Variants in ANXA13 observed in about 807,000 individuals in gnomAD.
The protein encoded by ANXA13 is annexin XIII.
In ANXA13, 36 loss-of-function variants were observed where a neutral mutation model predicts 46.6. The observed-to-expected ratio is 0.77, with a 90% CI of 0.59 to 1.02. The LOEUF (loss-of-function observed/expected upper bound fraction) is 1.02, where lower values mean the gene tolerates loss of function less well. Ranked by LOEUF, ANXA13 falls within the 50% of genes least tolerant of loss-of-function variation. The pLI is 0.00. For missense variants in ANXA13, 417 were observed against 396.5 expected (o/e 1.05, Z -0.44); for synonymous variants, 163 against 152.9 (o/e 1.07, Z -0.49).
chr8:123,681,824 T>C (rs1175539287), intron 10 of ANXA13, among the ~76,000 whole-genome samples: 1 of 151,928 alleles, frequency 6.6e-6, no homozygotes, highest in Admixed American at 6.6e-5. Context: ...GGGGGTTTCA[T>C]CATGTTGGCC....
intron 9 of ANXA13, among the ~76,000 whole-genome samples, chr8:123,685,441 C>T (rs1164890192): frequency 6.6e-6 from 1 of 152,142 alleles, no homozygotes; most frequent in Non-Finnish European, 1.5e-5. Flanking sequence ...ATAAATCATT[C>T]CTTCCCCTCT....
intron 1 of ANXA13, among the ~76,000 whole-genome samples, chr8:123,734,498 A>T (rs1814204592): frequency 6.6e-6 from 1 of 152,186 alleles, no homozygotes. Context: ...CACATAGGTT[A>T]GTTACAAACA....
chr8:123,718,246 C>T (rs1813796977), intron 1 of ANXA13, among the ~76,000 whole-genome samples: 1 of 152,226 alleles, frequency 6.6e-6, no homozygotes, highest in Non-Finnish European at 1.5e-5. Flanking sequence ...GGCAAATCAG[C>T]AATAAACTTT....
intron 10 of ANXA13, among the ~76,000 whole-genome samples, chr8:123,683,733 T>C (rs2129814690): frequency 6.6e-6 from 1 of 152,072 alleles, no homozygotes; most frequent in East Asian, 1.9e-4. Context: ...ACTACAAGTG[T>C]GTGCCACCAT....
At chr8:123,703,924 A>C (rs573238921) in intron 2 of ANXA13, among the ~76,000 whole-genome samples, 3 of 152,316 alleles carry the variant, frequency 2.0e-5, no homozygotes, top group East Asian at 3.9e-4. Context: ...ACCCCACATT[A>C]GATTTATTCA....
chr8:123,702,708 G>T lies in ANXA13; in HGVS notation c.120C>A (p.Ile40=), dbSNP rs751181283. 1 of 1,614,032 alleles carries T rather than the reference G, an allele frequency of 6.2e-7. No individual in the cohort carries two copies. Among genetic ancestry groups the T allele is most frequent in the Admixed American group, 1.7e-5 (1 of 60,006 alleles). The change falls in exon 3 of 11, where the codon ATC becomes ATA. Residue 40 remains isoleucine, a synonymous_variant. Transcript: ENST00000419625. ...TCTCATCTGATGTCCTGCCCGATAA[G>T]ATTTCAATGATGGCTGCTTCATTGG... ...MGTNEAAIIE[I]LSGRTSDERQ...
intron 10 of ANXA13, 51 bp from the exon 11 acceptor site, chr8:123,681,410 C>G: frequency 6.3e-7 from 1 of 1,575,086 alleles, no homozygotes; most frequent in South Asian, 1.2e-5. Flanking sequence ...GGTGTGTTCA[C>G]AAACAGTGGG....
intron 9 of ANXA13, among the ~76,000 whole-genome samples, chr8:123,688,376 G>A (rs1001801383): frequency 2.0e-5 from 3 of 152,200 alleles, no homozygotes; most frequent in African/African-American, 7.2e-5. Flanking sequence ...ACGTGGAACT[G>A]TGAGTCCATT....
chr8:123,733,505 A>G (rs1413421776), intron 1 of ANXA13, among the ~76,000 whole-genome samples: 1 of 152,192 alleles, frequency 6.6e-6, no homozygotes. Flanking sequence ...TTCACCTGCC[A>G]CAAGTCCCAA....
intron 1 of ANXA13, among the ~76,000 whole-genome samples, chr8:123,730,712 T>A (rs1985668): frequency 0.52 from 78,583 of 152,034 alleles, 20,998 homozygotes; most frequent in African/African-American, 0.64. Flanking sequence ...TAATAAAGAC[T>A]TACCCCAGAC....
chr8:123,717,993 C>T (rs1317831768), intron 1 of ANXA13, among the ~76,000 whole-genome samples: 1 of 152,242 alleles, frequency 6.6e-6, no homozygotes, highest in Non-Finnish European at 1.5e-5. Flanking sequence ...CTCGCTTGCG[C>T]CCAGAGAAAG....
chr8:123,719,125 A>G (rs1365371764), intron 1 of ANXA13, among the ~76,000 whole-genome samples: 5 of 152,262 alleles, frequency 3.3e-5, no homozygotes, highest in Admixed American at 6.5e-5. Context: ...TATAGTAACC[A>G]GCATCTTCCA....
rs116713095 is a variant in ANXA13 at position 123,730,907 on chromosome 8, G to A, written c.15+6413C>T. Among the ~76,000 whole-genome samples the A allele has an allele frequency of 4.3e-3, 657 of 152,252 alleles. 2 individuals carry two copies. Among genetic ancestry groups the A allele is most frequent in the African/African-American group, 0.015 (614 of 41,540 alleles). On this transcript the variant is annotated intron_variant, in intron 1 of 10. Coordinates refer to ENST00000419625, the MANE Select transcript of ANXA13 (RefSeq NM_004306.4). Reference sequence around the variant, plus strand: ...GGGGGAGTTCTCCGGGCTGCATTCCGGGTGAGAAGCCTGAGGAGGCAGGTG... The same window carrying A: ...GGGGGAGTTCTCCGGGCTGCATTCCAGGTGAGAAGCCTGAGGAGGCAGGTG...
chr8:123,736,925 T>G (rs1307491595), intron 1 of ANXA13, among the ~76,000 whole-genome samples: 2 of 151,118 alleles, frequency 1.3e-5, no homozygotes, highest in African/African-American at 2.4e-5. Flanking sequence ...CTCGGCTTAT[T>G]GCAACCTCCG....
At position 123,681,068 on chromosome 8, in the gene ANXA13, C is replaced by T. The variant is rs1414928878; in HGVS notation, c.*172G>A. 9.6e-6 allele frequency: 8 copies of T among 831,152 alleles called. No homozygotes were observed. Among genetic ancestry groups the T allele is most frequent in the African/African-American group, 8.5e-5 (5 of 58,642 alleles). 51.5% of individuals were successfully genotyped at this position (831,152 alleles called of 1,614,324 possible). ...AAGGTGCCCTGCCCACGCATCTTAACGTTACTGCCCTTAACTTACACAGCT... is the reference window on the plus strand; with the variant it reads ...AAGGTGCCCTGCCCACGCATCTTAATGTTACTGCCCTTAACTTACACAGCT... On this transcript the variant is annotated 3_prime_UTR_variant, in exon 11 of 11. Transcript: ENST00000419625.
rs375593452 is a variant in ANXA13, at chr8:123,693,148, T to G, written c.642+49A>C. ...ATCTTGGCTTCTTTTGGAAATAACTTAAGACACTTTCAGAGTGAACTCTTT... is the reference window on the plus strand; with the variant it reads ...ATCTTGGCTTCTTTTGGAAATAACTGAAGACACTTTCAGAGTGAACTCTTT... On this transcript the variant is annotated intron_variant, in intron 8 of 10. Transcript: ENST00000419625. The G allele has an allele frequency of 3.9e-6, 6 of 1,527,826 alleles. No homozygotes were observed. The African/African-American group carries it at 5.5e-5, about 14-fold the overall frequency. The allele number at this position is 1,527,826 out of a possible 1,614,324, so 94.6% of individuals were successfully genotyped here. A position where few individuals can be genotyped will look rare whatever the true frequency, so the allele number is the denominator to read the frequency against.
At chr8:123,705,528 C>T (rs1813523045) in intron 2 of ANXA13, among the ~76,000 whole-genome samples, 1 of 152,196 alleles carries the variant, frequency 6.6e-6, no homozygotes, top group Non-Finnish European at 1.5e-5. Context: ...ACACTATTTA[C>T]ATGTATGTTT....
At chr8:123,687,262 G>A (rs1401554546) in intron 9 of ANXA13, among the ~76,000 whole-genome samples, 2 of 152,168 alleles carry the variant, frequency 1.3e-5, no homozygotes, top group Non-Finnish European at 2.9e-5. Flanking sequence ...GGTATAGCAA[G>A]CAAGGACGTA....
At chr8:123,692,670 T>A (rs1352505801) in intron 8 of ANXA13, among the ~76,000 whole-genome samples, 1 of 152,226 alleles carries the variant, frequency 6.6e-6, no homozygotes, top group Non-Finnish European at 1.5e-5. Context: ...TTAGTATGCT[T>A]GCCACATGCC....
Sources: allele counts gnomAD v4.1 joint callset (sites outside exome capture counted in the v4.1 genomes callset), GRCh38; gene constraint gnomAD v4.1.1; transcripts MANE v1.5; gene names NCBI Gene and HGNC (gene_info 2026-07-23, HGNC 2026-07-21).